Variants in SNX7 observed in about 807,000 individuals in gnomAD.
The protein encoded by SNX7 is sorting nexin-7.
SNX7 carries 35 observed loss-of-function variants against 48.4 expected under a neutral mutation model. That is an observed-to-expected ratio of 0.72 (90% CI 0.55 to 0.96). SNX7 has a LOEUF of 0.96. Ranked by LOEUF, SNX7 falls within the 40% of genes least tolerant of loss-of-function variation. The probability of loss-of-function intolerance (pLI) is 0.00; values close to 1 mark genes in which losing one functional copy is unlikely to be tolerated. For synonymous variants in SNX7, 190 were observed against 190.2 expected (o/e 1.00, Z 0.01); for missense variants, 553 against 548.9 (o/e 1.01, Z -0.07).
At chr1:98,689,653 G>C (rs1257912737) in intron 2 of SNX7, among the ~76,000 whole-genome samples, 1 of 152,080 alleles carries the variant, frequency 6.6e-6, no homozygotes, top group Non-Finnish European at 1.5e-5. Context: ...TATATTCTTA[G>C]AAATTGGTAG....
In SNX7 at chr1:98,698,846, C is replaced by T. The variant is rs1338193659; in HGVS notation, c.979C>T (p.Leu327Phe). 2.5e-6 allele frequency: 4 copies of T among 1,613,690 alleles called. No homozygotes were observed. Among genetic ancestry groups the T allele is most frequent in the Non-Finnish European group, 3.4e-6 (4 of 1,179,802 alleles). Reference sequence around the variant, plus strand: ...GGCCACTGAAAAGCGGATGTCTGGACTCTCAGAGGCCCTGCTTCCTGTTGT... The same window carrying T: ...GGCCACTGAAAAGCGGATGTCTGGATTCTCAGAGGCCCTGCTTCCTGTTGT... The part of the protein sequence containing the change: ...CKATEKRMSG[L>F]SEALLPVVHE... The change falls in exon 6 of 9, where the codon CTC becomes TTC. Residue 327 changes from leucine (L) to phenylalanine (F), a missense_variant. Transcript: ENST00000306121.
intron 5 of SNX7, among the ~76,000 whole-genome samples, chr1:98,696,113 C>G (rs1002098004): frequency 6.6e-6 from 1 of 151,174 alleles, no homozygotes; most frequent in African/African-American, 2.4e-5. Flanking sequence ...TTAAACCTGT[C>G]GAAGTATGGC....
chr1:98,759,426 G>T (rs150825471), intron 8 of SNX7, among the ~76,000 whole-genome samples: 1 of 151,936 alleles, frequency 6.6e-6, no homozygotes, highest in Non-Finnish European at 1.5e-5. Context: ...TGTTCCCAGC[G>T]CCTTCAGACC....
chr1:98,665,240 G>A (rs1221191178), intron 1 of SNX7, among the ~76,000 whole-genome samples: 1 of 152,118 alleles, frequency 6.6e-6, no homozygotes, highest in East Asian at 1.9e-4. Context: ...ACTTACAGGT[G>A]TAATCATCCT....
At chr1:98,693,758 C>A (rs1419746879) in intron 4 of SNX7, among the ~76,000 whole-genome samples, 1 of 152,020 alleles carries the variant, frequency 6.6e-6, no homozygotes, top group African/African-American at 2.4e-5. Context: ...GGAATGAAAA[C>A]CTGAAGGAAG....
rs200856157 is a variant in SNX7, at chr1:98,695,716, G to A, written c.838G>A (p.Glu280Lys). ...TCAGAGAATTTATAAGGAAGAAAGG[G>A]GTAAGTAGAATTACTGAAATGTGAT... ...ISQRIYKEER[E>K]YFDEMKEYGP... is the part of the protein sequence containing the mutation. The change falls in exon 5 of 9, where the codon GAA (glutamate) becomes AAA (lysine). Residue 280 changes from glutamate (E) to lysine (K), a missense_variant and splice_region_variant. Glu to Lys is a moderately conservative substitution (Grantham distance 56). Coordinates refer to ENST00000306121, the MANE Select transcript of SNX7 (RefSeq NM_015976.5). 24 of 1,538,860 alleles carry A rather than the reference G, an allele frequency of 1.6e-5. No homozygotes were observed. In the East Asian group the frequency reaches 5.2e-4, roughly 33 times the overall value.
chr1:98,686,870 T>C (rs1438338056), intron 2 of SNX7, among the ~76,000 whole-genome samples: 1 of 152,170 alleles, frequency 6.6e-6, no homozygotes, highest in Non-Finnish European at 1.5e-5. Flanking sequence ...TTCTAGCAAA[T>C]AATTTGTGAA....
chr1:98,684,816 G>A, intron 1 of SNX7, 69 bp from the exon 2 acceptor site: 2 of 1,085,196 alleles, frequency 1.8e-6, no homozygotes, highest in Non-Finnish European at 2.5e-6. Context: ...CATTAATATT[G>A]ATAGCATCTA....
intron 7 of SNX7, among the ~76,000 whole-genome samples, chr1:98,727,640 A>T (rs192541262): frequency 5.3e-4 from 80 of 152,268 alleles, no homozygotes; most frequent in Non-Finnish European, 9.6e-4. Flanking sequence ...ATGAAACATT[A>T]CAGGCATTAC....
Position 98,661,807 on chromosome 1 carries a change from G to C in SNX7, c.76G>C (p.Gly26Arg). 1 of 1,245,322 alleles carries C rather than the reference G, an allele frequency of 8.0e-7. No homozygotes were observed. The highest frequency in any genetic ancestry group is 3.2e-5 in the East Asian group (1 of 31,620). The allele number at this position is 1,245,322 out of a possible 1,614,324, so 77.1% of individuals were successfully genotyped here. A position where few individuals can be genotyped will look rare whatever the true frequency, so the allele number is the denominator to read the frequency against. Residue 26 changes from glycine (G) to arginine (R), a missense_variant, in exon 1 of 9, where the codon GGG (glycine) becomes CGG (arginine). Coordinates refer to ENST00000306121, the MANE Select transcript of SNX7 (RefSeq NM_015976.5). ...PAGGANGESP[G>R]GGAPFPGSSG... is the part of the protein sequence containing the mutation. ...CGGGGGCGCCAACGGGGAGAGCCCG[G>C]GGGGCGGCGCCCCCTTTCCGGGCAG...
chr1:98,743,375 G>GT lies in SNX7; in HGVS notation c.1278+4993dup, dbSNP rs1388825892. On this transcript the variant is annotated intron_variant, in intron 8 of 8. Transcript: ENST00000306121. Reference sequence around the variant, plus strand: ...TTCTAATGGTGAAGTATTTAAATTAGTTTTTTTGCTTGATTGTAATGGATA... The same window carrying GT: ...TTCTAATGGTGAAGTATTTAAATTAGTTTTTTTTGCTTGATTGTAATGGATA... Among the ~76,000 whole-genome samples the GT allele has an allele frequency of 8.0e-5, 12 of 149,514 alleles. No individual in the cohort carries two copies. The East Asian group carries it at 1.4e-3, about 17-fold the overall frequency.
intron 4 of SNX7, among the ~76,000 whole-genome samples, chr1:98,693,293 C>G (rs974065204): frequency 6.6e-6 from 1 of 152,112 alleles, no homozygotes; most frequent in Non-Finnish European, 1.5e-5. Context: ...CTTATCCATT[C>G]TACTTGTTTT....
intron 2 of SNX7, among the ~76,000 whole-genome samples, chr1:98,686,534 T>C (rs564901125): frequency 1.3e-5 from 2 of 152,276 alleles, no homozygotes; most frequent in African/African-American, 4.8e-5. Flanking sequence ...TTTTAAGTTA[T>C]CCATAATTCC....
intron 7 of SNX7, among the ~76,000 whole-genome samples, chr1:98,717,786 C>T (rs1652666939): frequency 2.0e-5 from 3 of 152,084 alleles, no homozygotes; most frequent in South Asian, 4.2e-4. Context: ...TTCTCATAAG[C>T]AGTGTGGGTA....
chr1:98,718,159 C>T (rs2101001808), intron 7 of SNX7, among the ~76,000 whole-genome samples: 1 of 152,032 alleles, frequency 6.6e-6, no homozygotes, highest in East Asian at 1.9e-4. Context: ...GAAGGTCCCT[C>T]ACCAAAAAAC....
At chr1:98,661,572 C>G, upstream of SNX7, 1 of 626,474 alleles carries the variant, frequency 1.6e-6, no homozygotes, top group Non-Finnish European at 2.2e-6. Flanking sequence ...GCGCCCGGCC[C>G]GGGCCAGCGC....
At chr1:98,723,717 T>A (rs967619219) in intron 7 of SNX7, among the ~76,000 whole-genome samples, 1 of 151,526 alleles carries the variant, frequency 6.6e-6, no homozygotes, top group African/African-American at 2.4e-5. Flanking sequence ...AGCAGCTGGG[T>A]GTAGTGGTGC....
intron 8 of SNX7, among the ~76,000 whole-genome samples, chr1:98,739,739 T>C (rs920798399): frequency 6.6e-6 from 1 of 151,910 alleles, no homozygotes; most frequent in African/African-American, 2.4e-5. Context: ...TGCACAAAAG[T>C]GTAGAAGGGA....
At chr1:98,717,937 G>A (rs573100282) in intron 7 of SNX7, among the ~76,000 whole-genome samples, 6 of 151,992 alleles carry the variant, frequency 3.9e-5, no homozygotes, top group East Asian at 1.9e-4. Flanking sequence ...ACATATATCC[G>A]TGAAATGCAT....
Sources: gnomAD v4.1 joint callset for allele counts (sites outside exome capture counted in the v4.1 genomes callset) on GRCh38, gnomAD v4.1.1 for gene constraint, MANE v1.5 for transcripts, NCBI Gene and HGNC (gene_info 2026-07-23, HGNC 2026-07-21) for gene names.